C14orf132: variants seen among roughly 807,000 people sequenced by gnomAD.
C14orf132 encodes chromosome 14 open reading frame 132, also known as uncharacterized protein C14orf132.
C14orf132 carries 6 observed loss-of-function variants against 5.8 expected under a neutral mutation model. The observed-to-expected ratio is 1.03, with a 90% CI of 0.57 to 2.04. The LOEUF is 2.04. C14orf132 is among the 30% of genes most tolerant of loss of function. C14orf132 has a pLI of 0.00. For missense variants in C14orf132, 125 were observed against 115.8 expected (o/e 1.08, Z -0.37); for synonymous variants, 51 against 49.8 (o/e 1.02, Z -0.10).
intron 1 of C14orf132, among the ~76,000 whole-genome samples, chr14:96,073,478 A>G (rs1566832745): frequency 6.6e-6 from 1 of 152,246 alleles, no homozygotes; most frequent in African/African-American, 2.4e-5. Flanking sequence ...TCAAAACCAC[A>G]GTGAGATACC....
At chr14:96,079,477 CTG>C (rs34959608) in intron 1 of C14orf132, among the ~76,000 whole-genome samples, 33,357 of 151,912 alleles carry the variant, frequency 0.22, 3,991 homozygotes, top group Non-Finnish European at 0.27. Context: ...CATTTTATGA[CTG>C]TGTGTGTTTC....
intron 1 of C14orf132, among the ~76,000 whole-genome samples, chr14:96,076,071 C>G (rs1330820460): frequency 6.6e-6 from 1 of 151,990 alleles, no homozygotes; most frequent in Non-Finnish European, 1.5e-5. Flanking sequence ...GATTTTTAAC[C>G]AAAAATTTAA....
intron 1 of C14orf132, among the ~76,000 whole-genome samples, chr14:96,076,787 A>G (rs969884389): frequency 6.6e-6 from 1 of 152,256 alleles, no homozygotes; most frequent in Non-Finnish European, 1.5e-5. Context: ...AATTAGTACT[A>G]TAAATTTTTC....
intron 1 of C14orf132, among the ~76,000 whole-genome samples, chr14:96,064,185 T>C (rs567823311): frequency 2.6e-5 from 4 of 151,968 alleles, no homozygotes; most frequent in Admixed American, 6.5e-5. Context: ...AAAGTAGAAC[T>C]ACCATTTGAT....
intron 1 of C14orf132, among the ~76,000 whole-genome samples, chr14:96,044,227 G>T (rs1223995582): frequency 6.6e-6 from 1 of 152,178 alleles, no homozygotes; most frequent in Non-Finnish European, 1.5e-5. Flanking sequence ...AGGATGGAGT[G>T]CAGTGGTGCG....
intron 1 of C14orf132, among the ~76,000 whole-genome samples, chr14:96,072,415 G>T (rs977010896): frequency 1.3e-5 from 2 of 152,228 alleles, no homozygotes; most frequent in Non-Finnish European, 2.9e-5. Context: ...CCTGAGGACT[G>T]CATGGAATGG....
chr14:96,077,113 C>T (rs1320853410), intron 1 of C14orf132, among the ~76,000 whole-genome samples: 1 of 152,202 alleles, frequency 6.6e-6, no homozygotes, highest in Non-Finnish European at 1.5e-5. Flanking sequence ...GAAGAACGTG[C>T]ATTCTGTTGT....
rs750013884 is a variant in C14orf132, at chr14:96,090,686, G to A, written c.*3951G>A. The A allele has an allele frequency of 2.2e-6, 1 of 455,948 alleles. No individual in the cohort carries two copies. Among genetic ancestry groups the A allele is most frequent in the Non-Finnish European group, 4.4e-6 (1 of 226,804 alleles). 28.2% of individuals were successfully genotyped at this position (455,948 alleles called of 1,614,324 possible). A position where few individuals can be genotyped will look rare whatever the true frequency, so the allele number is the denominator to read the frequency against. On this transcript the variant is annotated 3_prime_UTR_variant, in exon 2 of 2. Coordinates refer to ENST00000555004, the MANE Select transcript of C14orf132 (RefSeq NM_001252507.3). ...TTCTCGCTCCTTTCAGATCCCCCAG[G>A]ATCTGAGGGAGAAAGGATGGGAGGA...
chr14:96,072,060 A>C (rs1379373527), intron 1 of C14orf132, among the ~76,000 whole-genome samples: 1 of 152,184 alleles, frequency 6.6e-6, no homozygotes, highest in Admixed American at 6.5e-5. Flanking sequence ...GAGATCCTCC[A>C]AGTCGGAATG....
At chr14:96,080,886 A>C (rs1366017840) in intron 1 of C14orf132, among the ~76,000 whole-genome samples, 2 of 152,196 alleles carry the variant, frequency 1.3e-5, no homozygotes, top group Non-Finnish European at 2.9e-5. Flanking sequence ...CCACGGCCAC[A>C]ACTGATTATA....
At chr14:96,067,889 G>A (rs909284524) in intron 1 of C14orf132, among the ~76,000 whole-genome samples, 17 of 152,076 alleles carry the variant, frequency 1.1e-4, no homozygotes, top group African/African-American at 4.1e-4. Flanking sequence ...GTTCCAGAGA[G>A]AGTTATGTCT....
At chr14:96,065,422 G>T (rs142078135) in intron 1 of C14orf132, among the ~76,000 whole-genome samples, 39 of 152,174 alleles carry the variant, frequency 2.6e-4, no homozygotes, top group African/African-American at 8.9e-4. Flanking sequence ...TAAACCAAAA[G>T]GATCCACTTA....
intron 1 of C14orf132, among the ~76,000 whole-genome samples, chr14:96,062,795 C>T (rs529558687): frequency 6.6e-6 from 1 of 152,298 alleles, no homozygotes; most frequent in African/African-American, 2.4e-5. Flanking sequence ...CAGGTACATT[C>T]TTCCTTGGCC....
intron 1 of C14orf132, among the ~76,000 whole-genome samples, chr14:96,042,412 C>G (rs1035936418): frequency 4.6e-5 from 7 of 152,112 alleles, no homozygotes; most frequent in African/African-American, 1.7e-4. Context: ...AAACCTCAGC[C>G]CCTGTAGAGG....
At chr14:96,050,554 G>A (rs1007821958) in intron 1 of C14orf132, among the ~76,000 whole-genome samples, 1 of 151,824 alleles carries the variant, frequency 6.6e-6, no homozygotes, top group Admixed American at 6.6e-5. Flanking sequence ...GAATGTTTGA[G>A]TGGTCCCTCT....
intron 1 of C14orf132, among the ~76,000 whole-genome samples, chr14:96,072,404 C>T (rs1248668279): frequency 2.0e-5 from 3 of 152,184 alleles, no homozygotes; most frequent in African/African-American, 7.2e-5. Context: ...CTCCCAGGGG[C>T]CCTGAGGACT....
intron 1 of C14orf132, among the ~76,000 whole-genome samples, chr14:96,070,446 A>G (rs372457032): frequency 1.3e-5 from 2 of 152,094 alleles, no homozygotes; most frequent in African/African-American, 4.8e-5. Context: ...GAGGAAGCCC[A>G]TGGCAGATAA....
chr14:96,040,470 G>A, intron 1 of C14orf132: 1 of 389,742 alleles, frequency 2.6e-6, no homozygotes, highest in East Asian at 3.6e-5. Flanking sequence ...GCTCCCTTCT[G>A]TCTCCAGGGT....
chr14:96,063,409 A>G (rs1887423024), intron 1 of C14orf132, among the ~76,000 whole-genome samples: 1 of 152,104 alleles, frequency 6.6e-6, no homozygotes, highest in East Asian at 1.9e-4. Context: ...CCTGGTTTCA[A>G]GTGATTCTCC....
Sources: gnomAD v4.1 joint callset for allele counts (sites outside exome capture counted in the v4.1 genomes callset) on GRCh38, gnomAD v4.1.1 for gene constraint, MANE v1.5 for transcripts, NCBI Gene and HGNC (gene_info 2026-07-23, HGNC 2026-07-21) for gene names.